The following CADM2 variants were observed in gnomAD, a reference collection of about 807,000 sequenced individuals.
CADM2 encodes immunoglobulin superfamily member 4D.
A neutral mutation model predicts 49.8 loss-of-function variants in CADM2; 12 were observed. That is an observed-to-expected ratio of 0.24 (90% CI 0.15 to 0.39). The LOEUF is 0.39. Ranked by LOEUF, CADM2 falls within the 10% of genes least tolerant of loss-of-function variation. CADM2 has a pLI of 1.00. For synonymous variants in CADM2, 214 were observed against 175.4 expected (o/e 1.22, Z -1.74); for missense variants, 378 against 492.3 (o/e 0.77, Z 2.20).
chr3:85,710,713 C>T (rs1412077265), intron 1 of CADM2, among the ~76,000 whole-genome samples: 3 of 152,092 alleles, frequency 2.0e-5, no homozygotes, highest in Non-Finnish European at 4.4e-5. Flanking sequence ...TAGCCTTTAG[C>T]GCATGAGTCA....
At chr3:85,392,951 T>C (rs1215357549) in intron 1 of CADM2, among the ~76,000 whole-genome samples, 1 of 152,062 alleles carries the variant, frequency 6.6e-6, no homozygotes. Flanking sequence ...TGAACAATGA[T>C]TCCTTGCCCT....
intron 1 of CADM2, among the ~76,000 whole-genome samples, chr3:85,015,583 A>G (rs2034215838): frequency 6.6e-6 from 1 of 152,230 alleles, no homozygotes; most frequent in Non-Finnish European, 1.5e-5. Context: ...AAAAATGATT[A>G]ATATAATGCC....
rs554188451 is a variant in CADM2, at chr3:84,960,115, C to A, written c.61+447C>A. ...TTTTCAGGTCGCCTTTTCTTTTCCC[C>A]CTCTTCCCACCATCATCATATCCGT... On this transcript the variant is annotated intron_variant, in intron 1 of 9. Coordinates refer to ENST00000383699, the MANE Select transcript of CADM2 (RefSeq NM_001167675.2). 7.2e-5 allele frequency: 14 copies of A among 193,416 alleles called. No individual in the cohort carries two copies. The East Asian group carries it at 2.0e-3, about 27-fold the overall frequency. The allele number at this position is 193,416 out of a possible 1,614,324, so 12.0% of individuals were successfully genotyped here. A position where few individuals can be genotyped will look rare whatever the true frequency, so the allele number is the denominator to read the frequency against.
chr3:85,535,477 G>C (rs2061404690), intron 1 of CADM2, among the ~76,000 whole-genome samples: 1 of 152,242 alleles, frequency 6.6e-6, no homozygotes, highest in South Asian at 2.1e-4. Context: ...TTTTGAATTA[G>C]ACAAGCTCTG....
chr3:85,333,236 G>A (rs895030430), intron 1 of CADM2, among the ~76,000 whole-genome samples: 2 of 151,586 alleles, frequency 1.3e-5, no homozygotes, highest in African/African-American at 4.8e-5. Context: ...ATGATATGTT[G>A]TAATAGTGAT....
chr3:85,552,257 T>C (rs968990977), intron 1 of CADM2, among the ~76,000 whole-genome samples: 6 of 151,732 alleles, frequency 4.0e-5, no homozygotes, highest in Non-Finnish European at 8.8e-5. Context: ...AAATTAGAGC[T>C]CAGGTCTATG....
intron 1 of CADM2, among the ~76,000 whole-genome samples, chr3:85,614,507 G>A (rs1003205930): frequency 1.3e-5 from 2 of 151,760 alleles, no homozygotes; most frequent in South Asian, 2.1e-4. Context: ...CAAGTTGGTC[G>A]GCCAAATAAC....
intron 5 of CADM2, among the ~76,000 whole-genome samples, chr3:85,891,568 AAGG>A (rs1714439696): frequency 6.6e-6 from 1 of 152,182 alleles, no homozygotes; most frequent in Non-Finnish European, 1.5e-5. Context: ...GGTGATTATC[AAGG>A]ATGGGCCTCA....
At chr3:85,710,437 A>G (rs115383641) in intron 1 of CADM2, among the ~76,000 whole-genome samples, 5,698 of 152,208 alleles carry the variant, frequency 0.037, 282 homozygotes, top group African/African-American at 0.11. Context: ...TATCATATCT[A>G]TAATTTATAG....
intron 1 of CADM2, among the ~76,000 whole-genome samples, chr3:85,257,812 A>G (rs1197634277): frequency 1.3e-5 from 2 of 152,076 alleles, no homozygotes; most frequent in Non-Finnish European, 2.9e-5. Flanking sequence ...AGTTTTAAAA[A>G]TCTATTTAAT....
chr3:85,233,282 A>G (rs766908658), intron 1 of CADM2, among the ~76,000 whole-genome samples: 2 of 152,138 alleles, frequency 1.3e-5, no homozygotes, highest in Non-Finnish European at 2.9e-5. Flanking sequence ...GTTTTAGGTC[A>G]GTGAAATTAT....
At chr3:85,035,122 G>C (rs543467103) in intron 1 of CADM2, among the ~76,000 whole-genome samples, 2 of 151,886 alleles carry the variant, frequency 1.3e-5, no homozygotes, top group Non-Finnish European at 2.9e-5. Context: ...TTTTAACTAA[G>C]GTAAAATGGT....
chr3:85,693,172 C>T lies in CADM2; in HGVS notation c.62-33350C>T, dbSNP rs528535603. 2.0e-5 allele frequency among the ~76,000 whole-genome samples: 3 copies of T among 151,116 alleles called. No individual in the cohort carries two copies. In the East Asian group the frequency reaches 5.9e-4, roughly 30 times the overall value. On this transcript the variant is annotated intron_variant, in intron 1 of 9. Coordinates refer to ENST00000383699, the MANE Select transcript of CADM2 (RefSeq NM_001167675.2). Reference sequence around the variant, plus strand: ...GCTGAGGCAGGAGAATGGCATGAACCCGGGAAGAGAAGGTTGCAGTGAGTC... The same window carrying T: ...GCTGAGGCAGGAGAATGGCATGAACTCGGGAAGAGAAGGTTGCAGTGAGTC...
At chr3:85,246,462 A>G (rs1358724219) in intron 1 of CADM2, among the ~76,000 whole-genome samples, 1 of 152,072 alleles carries the variant, frequency 6.6e-6, no homozygotes, top group Non-Finnish European at 1.5e-5. Flanking sequence ...ATAAATAAAT[A>G]ATAAAATAAT....
chr3:85,694,495 A>G (rs917662134), intron 1 of CADM2, among the ~76,000 whole-genome samples: 3 of 152,112 alleles, frequency 2.0e-5, no homozygotes, highest in African/African-American at 7.2e-5. Context: ...GAGAAAATAA[A>G]TGTTTGCTTT....
intron 1 of CADM2, among the ~76,000 whole-genome samples, chr3:85,444,231 C>T (rs1405208916): frequency 6.6e-6 from 1 of 152,090 alleles, no homozygotes; most frequent in African/African-American, 2.4e-5. Flanking sequence ...AGCTTGCCCA[C>T]CCTAAATCTA....
chr3:85,568,469 C>CTTTCTTTCTTTCTCTT lies in CADM2; in HGVS notation c.62-158052_62-158051insTTCTTTCTTTCTCTTT, dbSNP rs374134738. Among the ~76,000 whole-genome samples, 6 of 11,156 alleles carry CTTTCTTTCTTTCTCTT rather than the reference C, an allele frequency of 5.4e-4. 1 individual carries two copies. The highest frequency in any genetic ancestry group is 9.2e-4 in the African/African-American group (6 of 6,514). 7.3% of individuals were successfully genotyped at this position (11,156 alleles called of 152,430 possible). ...TTTCTTTCTTTCTTTCTTTCTCTTT[C>CTTTCTTTCTTTCTCTT]TCTCTCTTTCTTTCTTTCTTTCTTT... On this transcript the variant is annotated intron_variant, in intron 1 of 9. Transcript: ENST00000383699.
At chr3:85,013,854 G>T (rs1348101209) in intron 1 of CADM2, among the ~76,000 whole-genome samples, 1 of 145,350 alleles carries the variant, frequency 6.9e-6, no homozygotes, top group Non-Finnish European at 1.5e-5. Flanking sequence ...TTGTACTGAG[G>T]ACAATATTAA....
Position 85,241,806 on chromosome 3 carries a change from T to C in CADM2, c.61+282138T>C, listed in dbSNP as rs185461822. Among the ~76,000 whole-genome samples, 89 of 151,676 alleles carry C rather than the reference T, an allele frequency of 5.9e-4. No individual in the cohort carries two copies. In the East Asian group the frequency reaches 0.014, roughly 25 times the overall value. ...ATCTCTTTCAGGTAGGTCATTTACT[T>C]CATGAAAATTGTGCACTTCTGGAAA... On this transcript the variant is annotated intron_variant, in intron 1 of 9. Coordinates refer to ENST00000383699, the MANE Select transcript of CADM2 (RefSeq NM_001167675.2).
Sources: allele counts gnomAD v4.1 joint callset (sites outside exome capture counted in the v4.1 genomes callset), GRCh38; gene constraint gnomAD v4.1.1; transcripts MANE v1.5; gene names NCBI Gene and HGNC (gene_info 2026-07-23, HGNC 2026-07-21).